Variants in RALGAPA1 observed in about 807,000 individuals in gnomAD.
RALGAPA1 encodes the protein ral GTPase-activating protein subunit alpha-1.
In RALGAPA1, 52 loss-of-function variants were observed where a neutral mutation model predicts 269.6. That is an observed-to-expected ratio of 0.19 (90% confidence interval 0.15 to 0.24). The LOEUF (loss-of-function observed/expected upper bound fraction) is 0.24, where lower values mean the gene tolerates loss of function less well. RALGAPA1 is among the 10% of genes least tolerant of loss of function. RALGAPA1 has a pLI of 1.00. For missense variants in RALGAPA1, 1,917 were observed against 3,013.9 expected (o/e 0.64, Z 8.52); for synonymous variants, 817 against 1,008.3 (o/e 0.81, Z 3.60).
intron 4 of RALGAPA1, among the ~76,000 whole-genome samples, chr14:35,769,061 TATATAC>T (rs1434200160): frequency 1.1e-5 from 1 of 93,458 alleles, no homozygotes; most frequent in African/African-American, 4.4e-5. Context: ...TATATATATA[TATATAC>T]ACACACATAA....
chr14:35,554,626 G>T (rs1417080484), intron 39 of RALGAPA1, among the ~76,000 whole-genome samples: 1 of 152,058 alleles, frequency 6.6e-6, no homozygotes, highest in Non-Finnish European at 1.5e-5. Context: ...GATTACAGGC[G>T]TGAGCCACCG....
At chr14:35,714,384 G>C (rs1273103350) in intron 16 of RALGAPA1, among the ~76,000 whole-genome samples, 1 of 152,162 alleles carries the variant, frequency 6.6e-6, no homozygotes, top group Non-Finnish European at 1.5e-5. Flanking sequence ...TTCTCTGATA[G>C]CTAGTGTTTC....
At position 35,674,722 on chromosome 14, in the gene RALGAPA1, A is replaced by AT; in HGVS notation, c.4625-14dup. The AT allele has an allele frequency of 6.9e-7, 1 of 1,445,972 alleles. No homozygotes were observed. Among genetic ancestry groups the AT allele is most frequent in the Admixed American group, 1.8e-5 (1 of 55,644 alleles). 89.6% of individuals were successfully genotyped at this position (1,445,972 alleles called of 1,614,324 possible). A position where few individuals can be genotyped will look rare whatever the true frequency, so the allele number is the denominator to read the frequency against. On this transcript the variant is annotated splice_polypyrimidine_tract_variant and intron_variant, in intron 22 of 41. Coordinates refer to ENST00000680220, the MANE Select transcript of RALGAPA1 (RefSeq NM_001346249.2). Reference sequence around the variant, plus strand: ...AATTCACTAATTTCTATAGAAAAAAATATATAGTGTCAGCCATTTTTCAGT... The same window carrying AT: ...AATTCACTAATTTCTATAGAAAAAAATTATATAGTGTCAGCCATTTTTCAGT...
At chr14:35,643,021 T>C (rs1318220509) in intron 31 of RALGAPA1, among the ~76,000 whole-genome samples, 3 of 152,200 alleles carry the variant, frequency 2.0e-5, no homozygotes, top group Admixed American at 6.5e-5. Context: ...GATGAGTTCA[T>C]GTCCTTTGTA....
chr14:35,719,016 A>AT (rs1262306610), intron 16 of RALGAPA1, among the ~76,000 whole-genome samples: 4 of 151,690 alleles, frequency 2.6e-5, no homozygotes, highest in South Asian at 2.1e-4. Flanking sequence ...ATTTTTTTGT[A>AT]TTTTTTTGGT....
intron 33 of RALGAPA1, among the ~76,000 whole-genome samples, chr14:35,629,239 T>C (rs532025211): frequency 2.4e-3 from 358 of 151,998 alleles, no homozygotes; most frequent in Middle Eastern, 3.4e-3. Context: ...GAGAGTTGTT[T>C]TTGGTAAAGA....
At chr14:35,606,109 G>C (rs772671445) in intron 35 of RALGAPA1, among the ~76,000 whole-genome samples, 1 of 152,156 alleles carries the variant, frequency 6.6e-6, no homozygotes, top group African/African-American at 2.4e-5. Flanking sequence ...AACTAAGTAG[G>C]AGTACAGAGA....
chr14:35,699,356 T>C (rs1253264935), intron 17 of RALGAPA1, among the ~76,000 whole-genome samples: 1 of 152,114 alleles, frequency 6.6e-6, no homozygotes, highest in Non-Finnish European at 1.5e-5. Context: ...TGGGAAACTT[T>C]TTGAGGTAGT....
intron 1 of RALGAPA1, among the ~76,000 whole-genome samples, chr14:35,793,526 G>A (rs763518753): frequency 6.6e-6 from 1 of 151,964 alleles, no homozygotes; most frequent in African/African-American, 2.4e-5. Context: ...GAGCCACCGC[G>A]CCTGGCTCTC....
chr14:35,649,183 T>C (rs2062655012), intron 31 of RALGAPA1, among the ~76,000 whole-genome samples: 1 of 152,252 alleles, frequency 6.6e-6, no homozygotes, highest in African/African-American at 2.4e-5. Context: ...TGAAACTCAC[T>C]GCTCCAACAA....
chr14:35,623,959 T>G (rs1329447861), intron 35 of RALGAPA1, among the ~76,000 whole-genome samples: 1 of 151,156 alleles, frequency 6.6e-6, no homozygotes, highest in East Asian at 1.9e-4. Context: ...GGCGGGCAAG[T>G]GCCTGTAGTC....
intron 1 of RALGAPA1, among the ~76,000 whole-genome samples, chr14:35,785,362 C>T (rs1417830377): frequency 6.6e-6 from 1 of 152,130 alleles, no homozygotes; most frequent in African/African-American, 2.4e-5. Context: ...CTGATCTGAT[C>T]TTCACAGATA....
chr14:35,560,916 AG>A (rs2056149723), intron 39 of RALGAPA1, among the ~76,000 whole-genome samples: 2 of 152,164 alleles, frequency 1.3e-5, no homozygotes, highest in African/African-American at 4.8e-5. Flanking sequence ...CCATCTTTAA[AG>A]GTATGCAGTA....
At chr14:35,676,819 A>G (rs2064992540) in intron 22 of RALGAPA1, 1 of 152,252 alleles carries the variant, frequency 6.6e-6, no homozygotes, top group Admixed American at 6.5e-5. Context: ...GTGTGTAAAT[A>G]TAGACAAAGT....
At chr14:35,763,630 T>C (rs961654920) in intron 4 of RALGAPA1, among the ~76,000 whole-genome samples, 3 of 152,150 alleles carry the variant, frequency 2.0e-5, no homozygotes, top group African/African-American at 7.2e-5. Flanking sequence ...GTGCATACTA[T>C]TCCACCGTAT....
intron 11 of RALGAPA1, among the ~76,000 whole-genome samples, chr14:35,742,122 C>T (rs2141159730): frequency 6.6e-6 from 1 of 152,288 alleles, no homozygotes; most frequent in Non-Finnish European, 1.5e-5. Flanking sequence ...TAATTTTTAT[C>T]TAGACAATGG....
chr14:35,562,245 G>A (rs2056321190), intron 39 of RALGAPA1, among the ~76,000 whole-genome samples: 1 of 152,130 alleles, frequency 6.6e-6, no homozygotes, highest in African/African-American at 2.4e-5. Flanking sequence ...TCAGCGTCTA[G>A]ACTCCCATTG....
intron 10 of RALGAPA1, among the ~76,000 whole-genome samples, chr14:35,744,076 T>G (rs1032278129): frequency 6.6e-6 from 1 of 152,096 alleles, no homozygotes; most frequent in East Asian, 1.9e-4. Context: ...TAGGTGCAAA[T>G]AGAATTAAAT....
intron 28 of RALGAPA1, among the ~76,000 whole-genome samples, chr14:35,657,351 G>A (rs1367090005): frequency 6.6e-6 from 1 of 151,740 alleles, no homozygotes; most frequent in African/African-American, 2.4e-5. Context: ...ACGACACCTG[G>A]CTAATTTTTT....
Sources: allele counts gnomAD v4.1 joint callset (sites outside exome capture counted in the v4.1 genomes callset), GRCh38; gene constraint gnomAD v4.1.1; transcripts MANE v1.5; gene names NCBI Gene and HGNC (gene_info 2026-07-23, HGNC 2026-07-21).